The following HTR1F variants were observed in gnomAD, a reference collection of about 807,000 sequenced individuals.
HTR1F encodes the protein 5-hydroxytryptamine (serotonin) receptor 1F, G protein-coupled.
In HTR1F, 17 loss-of-function variants were observed where a neutral mutation model predicts 24.0. The observed-to-expected ratio is 0.71, with a 90% CI of 0.48 to 1.06. HTR1F has a LOEUF of 1.06. HTR1F is among the 50% of genes least tolerant of loss of function. The pLI is 0.00. For synonymous variants in HTR1F, 186 were observed against 156.8 expected (o/e 1.19, Z -1.39); for missense variants, 391 against 427.8 (o/e 0.91, Z 0.76).
intron 2 of HTR1F, among the ~76,000 whole-genome samples, chr3:87,877,117 T>C (rs1172679386): frequency 2.0e-5 from 3 of 152,108 alleles, no homozygotes; most frequent in Admixed American, 6.6e-5. Context: ...CAAACTGATA[T>C]AGAAGCATAC....
rs1705849755 is a variant in HTR1F at position 87,992,069 on chromosome 3, A to G, written c.*219A>G. On this transcript the variant is annotated 3_prime_UTR_variant, in exon 3 of 3. Transcript: ENST00000319595. ...AATTAGAAAATAATTTATGTAGGTT[A>G]TAAACAATATTTTGCCTATGCAATG... 3.1e-6 allele frequency: 1 copy of G among 326,326 alleles called. No individual in the cohort carries two copies. Among genetic ancestry groups the G allele is most frequent in the South Asian group, 1.0e-4 (1 of 9,770 alleles). 20.2% of individuals were successfully genotyped at this position (326,326 alleles called of 1,614,324 possible).
intron 2 of HTR1F, among the ~76,000 whole-genome samples, chr3:87,914,474 G>A (rs141782795): frequency 1.1e-4 from 16 of 152,132 alleles, no homozygotes; most frequent in African/African-American, 3.4e-4. Context: ...GCTCACACAC[G>A]GCCCAGAAAC....
chr3:87,853,502 G>A (rs1449405310), intron 2 of HTR1F, among the ~76,000 whole-genome samples: 3 of 152,038 alleles, frequency 2.0e-5, no homozygotes, highest in African/African-American at 2.4e-5. Context: ...CCATGTCATT[G>A]CTATTGTTAA....
At chr3:87,962,169 C>G (rs1278140949) in intron 2 of HTR1F, among the ~76,000 whole-genome samples, 2 of 151,830 alleles carry the variant, frequency 1.3e-5, no homozygotes, top group African/African-American at 4.8e-5. Flanking sequence ...GGATTTTTTG[C>G]AAACAAATGA....
At position 87,975,102 on chromosome 3, in the gene HTR1F, T is replaced by G. The variant is rs146001733; in HGVS notation, c.-42-15606T>G. 2.5e-3 allele frequency among the ~76,000 whole-genome samples: 386 copies of G among 152,268 alleles called. 1 individual carries two copies. The highest frequency in any genetic ancestry group is 9.0e-3 in the African/African-American group (373 of 41,570). On this transcript the variant is annotated intron_variant, in intron 2 of 2. Coordinates refer to ENST00000319595, the MANE Select transcript of HTR1F (RefSeq NM_001322209.2). ...AGTGTACTTATTTATTAAAATACTT[T>G]CAACCTAGAAATAATAATTGCTACT...
intron 2 of HTR1F, among the ~76,000 whole-genome samples, chr3:87,876,573 A>G (rs1309343752): frequency 1.3e-5 from 2 of 152,228 alleles, no homozygotes; most frequent in Non-Finnish European, 2.9e-5. Flanking sequence ...TAAGTGAAAT[A>G]AGCCAGTCAC....
Position 87,850,152 on chromosome 3 carries a change from T to G in HTR1F, c.-43+28028T>G, listed in dbSNP as rs776665112. 5.3e-5 allele frequency among the ~76,000 whole-genome samples: 8 copies of G among 151,912 alleles called. 1 individual carries two copies. The highest frequency in any genetic ancestry group is 1.2e-4 in the Non-Finnish European group (8 of 68,028). On this transcript the variant is annotated intron_variant, in intron 2 of 2. Transcript: ENST00000319595. ...TAAATCATGCTGCTATAAAGACACATGCACACGTAAGTTTATTGAGGCACT... is the reference window on the plus strand; with the variant it reads ...TAAATCATGCTGCTATAAAGACACAGGCACACGTAAGTTTATTGAGGCACT...
chr3:87,869,454 T>TGATAGATAGATAGATA (rs4038036), intron 2 of HTR1F, among the ~76,000 whole-genome samples: 281 of 124,782 alleles, frequency 2.3e-3, no homozygotes, highest in East Asian at 4.4e-3. Context: ...GATAGATAGA[T>TGATAGATAGATAGATA]GATAGATAGA....
intron 2 of HTR1F, among the ~76,000 whole-genome samples, chr3:87,833,848 T>A (rs1012945033): frequency 2.0e-5 from 3 of 152,168 alleles, no homozygotes; most frequent in African/African-American, 7.2e-5. Flanking sequence ...TATTTTTACG[T>A]AATTGAGACT....
chr3:87,972,883 ATAC>A (rs887109087), intron 2 of HTR1F, among the ~76,000 whole-genome samples: 23 of 130,386 alleles, frequency 1.8e-4, no homozygotes, highest in Admixed American at 4.8e-4. Context: ...CTTAATAATA[ATAC>A]CTGGCCTGGA....
chr3:87,949,359 C>A (rs1240159370), intron 2 of HTR1F, among the ~76,000 whole-genome samples: 2 of 152,204 alleles, frequency 1.3e-5, no homozygotes, highest in Non-Finnish European at 2.9e-5. Context: ...CACTGCATAT[C>A]TAGAAAAGGT....
intron 2 of HTR1F, among the ~76,000 whole-genome samples, chr3:87,953,256 T>C (rs1202201721): frequency 6.6e-6 from 1 of 151,454 alleles, no homozygotes; most frequent in Non-Finnish European, 1.5e-5. Context: ...AATCACCAGA[T>C]TGAAGAGACA....
chr3:87,806,947 A>G (rs767433750), intron 1 of HTR1F, among the ~76,000 whole-genome samples: 3 of 151,918 alleles, frequency 2.0e-5, no homozygotes, highest in Non-Finnish European at 4.4e-5. Flanking sequence ...GTAAATATGT[A>G]GATTTATTTC....
intron 2 of HTR1F, among the ~76,000 whole-genome samples, chr3:87,914,223 G>A (rs780041114): frequency 2.0e-5 from 3 of 152,110 alleles, no homozygotes; most frequent in Admixed American, 6.6e-5. Flanking sequence ...CTACCAAGCC[G>A]TTTTTGCCTG....
chr3:87,922,056 CT>C (rs1363037406), intron 2 of HTR1F, among the ~76,000 whole-genome samples: 2 of 152,044 alleles, frequency 1.3e-5, no homozygotes, highest in East Asian at 3.9e-4. Context: ...AGTGGGATTG[CT>C]GGATCATATG....
chr3:87,933,592 C>T lies in HTR1F; in HGVS notation c.-42-57116C>T, dbSNP rs530608395. ...AACAGAGAGCCAAATCATGAGTGAA[C>T]TCCCATTCACAATTGCTTCAAAGAG... On this transcript the variant is annotated intron_variant, in intron 2 of 2. Transcript: ENST00000319595. Among the ~76,000 whole-genome samples the T allele has an allele frequency of 5.3e-4, 80 of 152,250 alleles. 1 individual carries two copies. The highest frequency in any genetic ancestry group is 1.8e-3 in the African/African-American group (74 of 41,556).
intron 1 of HTR1F, among the ~76,000 whole-genome samples, chr3:87,810,586 T>G (rs1704143883): frequency 6.6e-6 from 1 of 152,190 alleles, no homozygotes; most frequent in Non-Finnish European, 1.5e-5. Context: ...GAGGTGAAAT[T>G]TAATATTGTT....
intron 1 of HTR1F, among the ~76,000 whole-genome samples, chr3:87,799,720 C>CT (rs1271856747): frequency 1.3e-5 from 2 of 152,160 alleles, no homozygotes; most frequent in Non-Finnish European, 2.9e-5. Context: ...TACAAGTAGT[C>CT]CCCTGAGTAG....
At chr3:87,914,671 C>G (rs1401577874) in intron 2 of HTR1F, among the ~76,000 whole-genome samples, 1 of 152,036 alleles carries the variant, frequency 6.6e-6, no homozygotes, top group Non-Finnish European at 1.5e-5. Context: ...CCCCCATCCT[C>G]CACAGCAGCC....
Sources: gnomAD v4.1 joint callset for allele counts (sites outside exome capture counted in the v4.1 genomes callset) on GRCh38, gnomAD v4.1.1 for gene constraint, MANE v1.5 for transcripts, NCBI Gene and HGNC (gene_info 2026-07-23, HGNC 2026-07-21) for gene names.